SHC3: variants seen among roughly 807,000 people sequenced by gnomAD.
The protein encoded by SHC3 is SHC adaptor protein 3.
In SHC3, 15 loss-of-function variants were observed where a neutral mutation model predicts 60.4. The observed-to-expected ratio is 0.25, with a 90% CI of 0.17 to 0.38. SHC3 has a LOEUF of 0.38. Ranked by LOEUF, SHC3 falls within the 10% of genes least tolerant of loss-of-function variation. The pLI is 1.00. For synonymous variants in SHC3, 294 were observed against 325.9 expected (o/e 0.90, Z 1.05); for missense variants, 677 against 786.1 (o/e 0.86, Z 1.66).
intron 1 of SHC3, among the ~76,000 whole-genome samples, chr9:89,137,071 C>A (rs898332036): frequency 1.3e-5 from 2 of 152,070 alleles, no homozygotes; most frequent in Non-Finnish European, 2.9e-5. Context: ...ACAACCAGAT[C>A]TTGTGAGAAC....
intron 2 of SHC3, among the ~76,000 whole-genome samples, chr9:89,084,701 C>T (rs950200769): frequency 2.6e-5 from 4 of 152,210 alleles, no homozygotes; most frequent in African/African-American, 7.2e-5. Context: ...AAATTGACTG[C>T]TTCCTGATGC....
chr9:89,162,975 C>CA (rs1462472396), intron 1 of SHC3, among the ~76,000 whole-genome samples: 1 of 136,382 alleles, frequency 7.3e-6, no homozygotes, highest in East Asian at 2.1e-4. Context: ...TTTATGCAGC[C>CA]AAAAAACACA....
chr9:89,045,721 T>C, intron 9 of SHC3, 25 bp downstream of exon 9: 1 of 1,609,978 alleles, frequency 6.2e-7, no homozygotes, highest in Non-Finnish European at 8.5e-7. Context: ...TTTGTGTTTC[T>C]CACCCATCTC....
intron 1 of SHC3, among the ~76,000 whole-genome samples, chr9:89,140,978 T>G (rs151107385): frequency 0.011 from 1,701 of 152,340 alleles, 16 homozygotes; most frequent in Non-Finnish European, 0.017. Context: ...TAAGCTGATT[T>G]TTAACCATAG....
At chr9:89,131,850 A>G (rs1826249977) in intron 1 of SHC3, among the ~76,000 whole-genome samples, 1 of 152,200 alleles carries the variant, frequency 6.6e-6, no homozygotes, top group Admixed American at 6.5e-5. Flanking sequence ...AACTGGCACA[A>G]GACAGGGATG....
intron 1 of SHC3, among the ~76,000 whole-genome samples, chr9:89,150,874 A>T (rs539827962): frequency 6.6e-6 from 1 of 152,060 alleles, no homozygotes; most frequent in Non-Finnish European, 1.5e-5. Flanking sequence ...AATAATTGTT[A>T]TTGTCCATTT....
intron 11 of SHC3, among the ~76,000 whole-genome samples, chr9:89,035,852 T>TA (rs372898972): frequency 0.14 from 11,841 of 82,102 alleles, 857 homozygotes; most frequent in Admixed American, 0.19. Flanking sequence ...TATATATAGA[T>TA]GTGTGTGTGT....
chr9:89,031,674 A>G (rs60981778), intron 11 of SHC3, among the ~76,000 whole-genome samples: 6,290 of 152,244 alleles, frequency 0.041, 210 homozygotes, highest in African/African-American at 0.095. Flanking sequence ...CCTTTTGGCT[A>G]TTATGAATAA....
chr9:89,040,801 T>G (rs1824676063), intron 10 of SHC3, among the ~76,000 whole-genome samples: 1 of 152,252 alleles, frequency 6.6e-6, no homozygotes, highest in South Asian at 2.1e-4. Context: ...GCTTAGATTA[T>G]TTTTGTTAAG....
At chr9:89,044,192 A>G (rs1824735998) in intron 9 of SHC3, among the ~76,000 whole-genome samples, 1 of 152,260 alleles carries the variant, frequency 6.6e-6, no homozygotes, top group African/African-American at 2.4e-5. Flanking sequence ...ATGCACACAC[A>G]TGTTATGGAA....
intron 6 of SHC3, among the ~76,000 whole-genome samples, chr9:89,064,695 C>T (rs1461167102): frequency 3.3e-5 from 5 of 152,066 alleles, no homozygotes; most frequent in Admixed American, 1.3e-4. Flanking sequence ...TCATCTCTTC[C>T]GTATGGGCTA....
intron 11 of SHC3, among the ~76,000 whole-genome samples, chr9:89,024,437 C>T (rs1463929232): frequency 1.3e-5 from 2 of 152,160 alleles, no homozygotes; most frequent in Non-Finnish European, 2.9e-5. Context: ...TCCACCACTC[C>T]CTGTGTGCGT....
intron 4 of SHC3, among the ~76,000 whole-genome samples, chr9:89,072,833 A>G (rs943636360): frequency 4.6e-5 from 7 of 152,232 alleles, no homozygotes; most frequent in Non-Finnish European, 2.9e-5. Context: ...CATACATCCC[A>G]GGGATTTGTC....
At chr9:89,097,463 C>T (rs1825721727) in intron 2 of SHC3, among the ~76,000 whole-genome samples, 1 of 152,178 alleles carries the variant, frequency 6.6e-6, no homozygotes, top group Non-Finnish European at 1.5e-5. Flanking sequence ...TCCTACTAAG[C>T]AGATGCAGAT....
intron 9 of SHC3, among the ~76,000 whole-genome samples, chr9:89,045,090 A>C (rs1365032555): frequency 6.6e-6 from 1 of 152,042 alleles, no homozygotes; most frequent in Middle Eastern, 3.2e-3. Context: ...ACCAGTTCCC[A>C]TAGGAAACTG....
chr9:89,137,863 C>T (rs890632945), intron 1 of SHC3, among the ~76,000 whole-genome samples: 1 of 152,198 alleles, frequency 6.6e-6, no homozygotes, highest in African/African-American at 2.4e-5. Context: ...AAACACGTTG[C>T]TCCTTCAATC....
In SHC3 at chr9:89,178,331, C is replaced by G; in HGVS notation, c.130G>C (p.Ala44Pro). The change falls in exon 1 of 12, where the codon GCT (alanine) becomes CCT (proline). Residue 44 changes from alanine to proline, a missense_variant. Transcript: ENST00000375835. The surrounding 1 kb of genome is among the most constrained non-coding windows in gnomAD (Gnocchi z 6.9). Reference protein sequence around the residue: ...VSAARATPAAAPYLVSGEALR... With the variant: ...VSAARATPAAPPYLVSGEALR... The stretch of plus-strand genomic sequence containing the variant: ...GCCTCGCCGGACACCAAGTAGGGAG[C>G]CGCCGCCGGGGTCGCGCGCGCCGCC... The G allele has an allele frequency of 6.3e-7, 1 of 1,594,524 alleles. No homozygotes were observed. Among genetic ancestry groups the G allele is most frequent in the Non-Finnish European group, 8.5e-7 (1 of 1,172,584 alleles).
At chr9:89,018,468 A>G (rs1434955599) in intron 11 of SHC3, among the ~76,000 whole-genome samples, 1 of 152,126 alleles carries the variant, frequency 6.6e-6, no homozygotes, top group African/African-American at 2.4e-5. Flanking sequence ...AGGGAGGGGA[A>G]CATCACACAC....
intron 2 of SHC3, among the ~76,000 whole-genome samples, chr9:89,098,578 G>T (rs954396014): frequency 3.3e-5 from 5 of 152,226 alleles, no homozygotes; most frequent in African/African-American, 1.2e-4. Context: ...GGAAGCCAAG[G>T]TGGGCAGATC....
Sources: gnomAD v4.1 joint callset for allele counts (sites outside exome capture counted in the v4.1 genomes callset) on GRCh38, gnomAD v4.1.1 for gene constraint, Gnocchi (gnomAD v3.1) non-coding constraint, MANE v1.5 for transcripts, NCBI Gene and HGNC (gene_info 2026-07-23, HGNC 2026-07-21) for gene names.